Variants in KCNQ5 observed in about 807,000 individuals in gnomAD.
The protein encoded by KCNQ5 is potassium voltage-gated channel subfamily KQT member 5.
Under a neutral mutation model 98.2 loss-of-function variants are expected in KCNQ5, and 30 were observed. That is an observed-to-expected ratio of 0.31 (90% CI 0.23 to 0.41). The LOEUF is 0.41. Among genes scored for constraint, KCNQ5 ranks in the 10% least tolerant of loss-of-function variants. KCNQ5 has a pLI of 1.00. For synonymous variants in KCNQ5, 458 were observed against 449.4 expected, an observed-to-expected ratio of 1.02 and a Z score of -0.24; for missense variants, 835 against 1,182.5, an observed-to-expected ratio of 0.71 and a Z score of 4.31.
At chr6:73,092,395 G>T (rs907242207) in intron 5 of KCNQ5, among the ~76,000 whole-genome samples, 1 of 152,032 alleles carries the variant, frequency 6.6e-6, no homozygotes, top group Non-Finnish European at 1.5e-5. Context: ...GATTGCTCTG[G>T]CAAGGACTTC....
intron 8 of KCNQ5, among the ~76,000 whole-genome samples, chr6:73,120,967 T>A (rs1209338489): frequency 2.0e-5 from 3 of 152,150 alleles, no homozygotes; most frequent in Admixed American, 1.3e-4. Flanking sequence ...TAGAGAGTAA[T>A]CCATCTTTGT....
chr6:73,133,523 C>T lies in KCNQ5; in HGVS notation c.1350C>T (p.Thr450=), dbSNP rs749529273. The T allele has an allele frequency of 8.1e-6, 13 of 1,614,040 alleles. 1 individual carries two copies. Among genetic ancestry groups the T allele is most frequent in the South Asian group, 5.5e-5 (5 of 91,086 alleles). The part of the protein sequence containing the change: ...ASVGDRRSPS[T]DITAEGSPTK... ...TAGGTGACAGGAGGTCCCCAAGCAC[C>T]GACATCACAGCCGAGGGCAGTCCCA... Residue 450 remains threonine, a synonymous_variant, in exon 10 of 14, where the codon ACC becomes ACT. Coordinates refer to ENST00000370398, the MANE Select transcript of KCNQ5 (RefSeq NM_019842.4).
chr6:73,086,432 T>C (rs1773990899), intron 5 of KCNQ5, among the ~76,000 whole-genome samples: 1 of 152,164 alleles, frequency 6.6e-6, no homozygotes, highest in African/African-American at 2.4e-5. Flanking sequence ...GAATTCCTTC[T>C]TGGGTACTTT....
At chr6:72,813,063 A>C (rs1765348301) in intron 1 of KCNQ5, among the ~76,000 whole-genome samples, 1 of 152,122 alleles carries the variant, frequency 6.6e-6, no homozygotes, top group South Asian at 2.1e-4. Context: ...CATTAGTTTT[A>C]ATTTTTCTTT....
chr6:72,998,780 T>A (rs1769428264), intron 1 of KCNQ5, among the ~76,000 whole-genome samples: 1 of 152,034 alleles, frequency 6.6e-6, no homozygotes, highest in Non-Finnish European at 1.5e-5. Flanking sequence ...CAAAACTTTC[T>A]TAATGAGTAT....
At chr6:72,925,119 C>G (rs918991666) in intron 1 of KCNQ5, among the ~76,000 whole-genome samples, 1 of 152,074 alleles carries the variant, frequency 6.6e-6, no homozygotes, top group African/African-American at 2.4e-5. Flanking sequence ...ACATTAGCAC[C>G]TCTTAATAAA....
At chr6:73,022,052 T>G (rs1012453231) in intron 2 of KCNQ5, among the ~76,000 whole-genome samples, 1 of 152,186 alleles carries the variant, frequency 6.6e-6, no homozygotes, top group African/African-American at 2.4e-5. Flanking sequence ...AACATGAGTC[T>G]GTAGCCAACA....
intron 1 of KCNQ5, among the ~76,000 whole-genome samples, chr6:72,663,769 T>C (rs1455645811): frequency 1.3e-5 from 2 of 152,200 alleles, no homozygotes; most frequent in African/African-American, 4.8e-5. Flanking sequence ...CACTTCTTTT[T>C]CAAATTTTAT....
At chr6:72,708,302 A>G (rs902421453) in intron 1 of KCNQ5, among the ~76,000 whole-genome samples, 6 of 152,194 alleles carry the variant, frequency 3.9e-5, no homozygotes, top group African/African-American at 1.2e-4. Flanking sequence ...GTATTAAGAT[A>G]TGAAATGAAA....
chr6:73,122,315 C>A (rs1401175702), intron 8 of KCNQ5, among the ~76,000 whole-genome samples: 2 of 152,214 alleles, frequency 1.3e-5, no homozygotes, highest in Non-Finnish European at 2.9e-5. Flanking sequence ...TTCCCACTTA[C>A]TGCAGTTTTT....
chr6:72,733,368 T>C (rs1230243572), intron 1 of KCNQ5, among the ~76,000 whole-genome samples: 2 of 152,218 alleles, frequency 1.3e-5, no homozygotes, highest in Admixed American at 6.5e-5. Flanking sequence ...ACCATACTTA[T>C]TGGATTTAGC....
intron 1 of KCNQ5, among the ~76,000 whole-genome samples, chr6:72,655,022 GTCTGTCTTTCTTTCTT>G (rs1400129256): frequency 0.018 from 2,187 of 119,032 alleles, 90 homozygotes; most frequent in African/African-American, 0.055. Context: ...GCCAAGGTCT[GTCTGTCTTTCTTTCTT>G]TCTTTCTTTC....
chr6:73,168,420 A>C (rs1777883241), intron 10 of KCNQ5, among the ~76,000 whole-genome samples: 2 of 152,186 alleles, frequency 1.3e-5, no homozygotes, highest in African/African-American at 4.8e-5. Context: ...TGGTATTTGG[A>C]GGCCAGGAGC....
At chr6:72,632,387 C>T (rs1433704102) in intron 1 of KCNQ5, among the ~76,000 whole-genome samples, 1 of 152,016 alleles carries the variant, frequency 6.6e-6, no homozygotes, top group Non-Finnish European at 1.5e-5. Flanking sequence ...GTGATCCGCC[C>T]GCCTCAGCCT....
chr6:72,746,871 T>C (rs993095372), intron 1 of KCNQ5, among the ~76,000 whole-genome samples: 1 of 152,172 alleles, frequency 6.6e-6, no homozygotes, highest in African/African-American at 2.4e-5. Flanking sequence ...TTATAGATAC[T>C]AATGTAGTAG....
intron 1 of KCNQ5, among the ~76,000 whole-genome samples, chr6:72,623,050 A>G (rs1409022740): frequency 6.6e-6 from 1 of 151,988 alleles, no homozygotes; most frequent in Non-Finnish European, 1.5e-5. Context: ...ATCGAGGGCT[A>G]GGTCCTCAGT....
chr6:72,777,837 A>G (rs1773236607), intron 1 of KCNQ5, among the ~76,000 whole-genome samples: 1 of 152,196 alleles, frequency 6.6e-6, no homozygotes, highest in Non-Finnish European at 1.5e-5. Flanking sequence ...CACACCCTCC[A>G]TTAGGCCTTG....
chr6:72,713,000 A>C (rs899072698), intron 1 of KCNQ5, among the ~76,000 whole-genome samples: 40 of 152,046 alleles, frequency 2.6e-4, no homozygotes, highest in Non-Finnish European at 7.4e-5. Flanking sequence ...TCCCAGACCC[A>C]AAACTGTGCC....
chr6:72,944,905 C>T (rs942231985), intron 1 of KCNQ5, among the ~76,000 whole-genome samples: 2 of 152,172 alleles, frequency 1.3e-5, no homozygotes, highest in African/African-American at 2.4e-5. Context: ...CTCATTGCTG[C>T]GTGGTGAAAG....
Sources: gnomAD v4.1 joint callset for allele counts (sites outside exome capture counted in the v4.1 genomes callset) on GRCh38, gnomAD v4.1.1 for gene constraint, MANE v1.5 for transcripts, NCBI Gene and HGNC (gene_info 2026-07-23, HGNC 2026-07-21) for gene names.